SELENOS: variants seen among roughly 807,000 people sequenced by gnomAD.
SELENOS encodes the protein selenoprotein S.
A neutral mutation model predicts 30.2 loss-of-function variants in SELENOS; 37 were observed. That is an observed-to-expected ratio of 1.23 (90% CI 0.94 to 1.61). SELENOS has a LOEUF of 1.61. SELENOS is among the 40% of genes most tolerant of loss of function. The pLI is 0.00. For missense variants in SELENOS, 289 were observed against 231.8 expected (o/e 1.25, Z -1.60); for synonymous variants, 119 against 91.6 (o/e 1.30, Z -1.71).
chr15:101,271,104 G>T (rs2039263587), downstream of SELENOS: 1 of 152,190 alleles, frequency 6.6e-6, no homozygotes, highest in Non-Finnish European at 1.5e-5. Context: ...CAAGGGAGCT[G>T]CTCTGCTGCA....
intron 2 of SELENOS, among the ~76,000 whole-genome samples, chr15:101,276,243 T>C (rs1163186895): frequency 5.5e-4 from 35 of 63,670 alleles, no homozygotes; most frequent in African/African-American, 3.5e-3. Context: ...TACTTCCTAC[T>C]TTTTTTTTTT....
intron 5 of SELENOS, among the ~76,000 whole-genome samples, chr15:101,274,008 T>C (rs2039296633): frequency 1.3e-5 from 2 of 152,224 alleles, no homozygotes; most frequent in Admixed American, 1.3e-4. Flanking sequence ...TGTGGCATCA[T>C]CCAGAGTCCC....
chr15:101,272,718 T>C lies in SELENOS; in HGVS notation c.*53A>G. The C allele has an allele frequency of 6.5e-7, 1 of 1,540,936 alleles. No homozygotes were observed. The highest frequency in any genetic ancestry group is 8.8e-7 in the Non-Finnish European group (1 of 1,134,554). On this transcript the variant is annotated 3_prime_UTR_variant, in exon 6 of 6. Coordinates refer to ENST00000526049, the MANE Select transcript of SELENOS (RefSeq NM_018445.6). ...GAAAAGCGTGCGTAAGGCAATTGAA[T>C]CGAGGGTTAAGGGTTCATCTTGCTA...
Position 101,275,316 on chromosome 15 carries a change from C to A in SELENOS, c.257G>T (p.Arg86Leu). 1 of 1,581,500 alleles carries A rather than the reference C, an allele frequency of 6.3e-7. No individual in the cohort carries two copies. Among genetic ancestry groups the A allele is most frequent in the Admixed American group, 1.8e-5 (1 of 54,166 alleles). The change falls in exon 3 of 6, where the codon CGA (arginine) becomes CTA (leucine). Residue 86 changes from arginine to leucine, a missense_variant. Physicochemically the swap from Arg to Leu is moderately radical, Grantham distance 102 (BLOSUM62 -2). Coordinates refer to ENST00000526049, the MANE Select transcript of SELENOS (RefSeq NM_018445.6). Reference sequence around the variant, plus strand: ...ATTTAGTTCTTCTTGCATTTTCAGTCGAGCAGCTGCTAAAGCTTCTTGTCG... The same window carrying A: ...ATTTAGTTCTTCTTGCATTTTCAGTAGAGCAGCTGCTAAAGCTTCTTGTCG... ...VKRQEALAAA[R>L]LKMQEELNAQ...
Position 101,277,446 on chromosome 15 carries a change from T to A in SELENOS, c.-29A>T. On this transcript the variant is annotated 5_prime_UTR_variant, in exon 1 of 6. Transcript: ENST00000526049. ...CGCCGCCGCCGCCGCCGCCCAGCCCTGCCGCCGCGCCTCCAGCCGGGCGCT... is the reference window on the plus strand; with the variant it reads ...CGCCGCCGCCGCCGCCGCCCAGCCCAGCCGCCGCGCCTCCAGCCGGGCGCT... The A allele has an allele frequency of 7.0e-7, 1 of 1,425,896 alleles. No homozygotes were observed. The highest frequency in any genetic ancestry group is 9.1e-7 in the Non-Finnish European group (1 of 1,098,516). The allele number at this position is 1,425,896 out of a possible 1,614,324, so 88.3% of individuals were successfully genotyped here. A position where few individuals can be genotyped will look rare whatever the true frequency, so the allele number is the denominator to read the frequency against.
At chr15:101,271,812 C>G (rs2039270940), downstream of SELENOS, among the ~76,000 whole-genome samples, 1 of 152,166 alleles carries the variant, frequency 6.6e-6, no homozygotes, top group Middle Eastern at 3.2e-3. Flanking sequence ...AGCAGAGAAT[C>G]TTTTTTAAAA....
intron 5 of SELENOS, chr15:101,274,217 T>G: frequency 3.1e-6 from 2 of 639,598 alleles, no homozygotes; most frequent in Non-Finnish European, 2.7e-6. Context: ...AGGATCAAGT[T>G]AGAATACTAT....
intron 3 of SELENOS, 40 bp downstream of exon 3, chr15:101,275,215 C>A (rs747209336): frequency 1.3e-6 from 2 of 1,497,002 alleles, no homozygotes; most frequent in South Asian, 1.3e-5. Context: ...AAACCTCAGA[C>A]AATTTCTATG....
intron 1 of SELENOS, 145 bp from the exon 2 acceptor site, chr15:101,276,820 A>C: frequency 1.1e-6 from 1 of 927,778 alleles, no homozygotes. Flanking sequence ...GTAGATCGTT[A>C]AAACACGAAC....
intron 5 of SELENOS, among the ~76,000 whole-genome samples, chr15:101,273,423 G>A (rs886960277): frequency 2.0e-5 from 3 of 152,108 alleles, no homozygotes; most frequent in South Asian, 4.2e-4. Flanking sequence ...ACTTATAGTG[G>A]AATCTTTGGG....
At chr15:101,272,954 G>T in intron 5 of SELENOS, 98 bp from the exon 6 acceptor site, 1 of 1,063,940 alleles carries the variant, frequency 9.4e-7, no homozygotes, top group South Asian at 1.4e-5. Flanking sequence ...GACACGCAAA[G>T]CACTGCAAAG....
At chr15:101,270,932 G>C (rs1341012471), downstream of SELENOS, 2 of 152,158 alleles carry the variant, frequency 1.3e-5, no homozygotes, top group Admixed American at 6.5e-5. Context: ...AGATGCAAGG[G>C]GGGCATGCAG....
chr15:101,270,932 G>A (rs1341012471), downstream of SELENOS: 1 of 152,158 alleles, frequency 6.6e-6, no homozygotes, highest in Non-Finnish European at 1.5e-5. Flanking sequence ...AGATGCAAGG[G>A]GGGCATGCAG....
chr15:101,273,529 AG>A (rs1285830358), intron 5 of SELENOS, among the ~76,000 whole-genome samples: 1 of 152,252 alleles, frequency 6.6e-6, no homozygotes, highest in East Asian at 1.9e-4. Context: ...GAGGCCGTGC[AG>A]GCAAGCACAC....
intron 2 of SELENOS, among the ~76,000 whole-genome samples, chr15:101,276,242 C>CTTT (rs34035984): frequency 4.9e-5 from 6 of 122,482 alleles, no homozygotes; most frequent in Admixed American, 4.2e-4. Context: ...ATACTTCCTA[C>CTTT]TTTTTTTTTT....
At position 101,274,618 on chromosome 15, in the gene SELENOS, A is replaced by C; in HGVS notation, c.382T>G (p.Tyr128Asp). The C allele has an allele frequency of 6.2e-7, 1 of 1,613,718 alleles. No individual in the cohort carries two copies. The highest frequency in any genetic ancestry group is 8.5e-7 in the Non-Finnish European group (1 of 1,179,822). The change falls in exon 4 of 6, where the codon TAC (tyrosine) becomes GAC (aspartate). Residue 128 changes from tyrosine to aspartate, a missense_variant. Physicochemically the swap from Tyr to Asp is radical, Grantham distance 160. Coordinates refer to ENST00000526049, the MANE Select transcript of SELENOS (RefSeq NM_018445.6). ...MWDSMQEGKSYKGNAKKPQEE... is the reference protein window; with the variant it reads ...MWDSMQEGKSDKGNAKKPQEE... Reference sequence around the variant, plus strand: ...TGGGGCTTCTTTGCATTTCCTTTGTAACTTTTTCCTTCTTGCATGCTGTCC... The same window carrying C: ...TGGGGCTTCTTTGCATTTCCTTTGTCACTTTTTCCTTCTTGCATGCTGTCC...
intron 1 of SELENOS, chr15:101,276,902 TAG>T: frequency 8.9e-6 from 5 of 561,742 alleles, no homozygotes; most frequent in Non-Finnish European, 1.6e-5. Flanking sequence ...CGGGGGCAGT[TAG>T]AGTGTGGAGG....
intron 3 of SELENOS, 33 bp from the exon 4 acceptor site, chr15:101,274,714 C>A: frequency 1.3e-6 from 2 of 1,577,610 alleles, no homozygotes; most frequent in Non-Finnish European, 1.7e-6. Flanking sequence ...AGAAAGAATT[C>A]AGAAGCTGCC....
intron 2 of SELENOS, 161 bp downstream of exon 2, chr15:101,276,380 C>G (rs2039326873): frequency 5.3e-6 from 5 of 936,846 alleles, no homozygotes; most frequent in Middle Eastern, 7.3e-4. Flanking sequence ...TCCTGAGCAG[C>G]TGGGACTACA....
Sources: gnomAD v4.1 joint callset for allele counts (sites outside exome capture counted in the v4.1 genomes callset) on GRCh38, gnomAD v4.1.1 for gene constraint, MANE v1.5 for transcripts, NCBI Gene and HGNC (gene_info 2026-07-23, HGNC 2026-07-21) for gene names.